The following ARNT2 variants were observed in gnomAD, a reference collection of about 807,000 sequenced individuals.
ARNT2 encodes ARNT protein 2.
ARNT2 carries 36 observed loss-of-function variants against 91.7 expected under a neutral mutation model. The observed-to-expected ratio is 0.39, with a 90% CI of 0.30 to 0.52. ARNT2 has a LOEUF of 0.52. ARNT2 is among the 20% of genes least tolerant of loss of function. The pLI is 0.72. For synonymous variants in ARNT2, 365 were observed against 347.1 expected (o/e 1.05, Z -0.57); for missense variants, 775 against 939.3 (o/e 0.83, Z 2.29).
intron 1 of ARNT2, chr15:80,434,219 G>A (rs973668939): frequency 6.6e-6 from 1 of 152,240 alleles, no homozygotes; most frequent in East Asian, 1.9e-4. Context: ...AGGAGGGCAA[G>A]AGAAGATCAG....
At chr15:80,495,880 C>T (rs1897120610) in intron 5 of ARNT2, among the ~76,000 whole-genome samples, 1 of 152,208 alleles carries the variant, frequency 6.6e-6, no homozygotes, top group Admixed American at 6.5e-5. Flanking sequence ...TCTGAGGCTC[C>T]TTTAGCACCT....
chr15:80,581,190 G>T (rs1248795556), intron 16 of ARNT2, 49 bp from the exon 17 acceptor site: 2 of 1,605,360 alleles, frequency 1.2e-6, no homozygotes, highest in Non-Finnish European at 8.5e-7. Flanking sequence ...TTGGGGTGCA[G>T]GGGTCTGCTG....
chr15:80,468,423 C>T (rs774968329), intron 3 of ARNT2, among the ~76,000 whole-genome samples: 1 of 152,252 alleles, frequency 6.6e-6, no homozygotes, highest in African/African-American at 2.4e-5. Flanking sequence ...TCTTGCTCCT[C>T]GGCCCCTCTA....
chr15:80,539,014 A>AT (rs986639611), intron 8 of ARNT2, among the ~76,000 whole-genome samples: 6 of 152,004 alleles, frequency 3.9e-5, no homozygotes, highest in African/African-American at 1.4e-4. Flanking sequence ...ATCAAAAAAA[A>AT]TTTTTTTTCT....
chr15:80,528,612 A>G (rs953992342), intron 8 of ARNT2, among the ~76,000 whole-genome samples: 3 of 152,002 alleles, frequency 2.0e-5, no homozygotes, highest in Non-Finnish European at 1.5e-5. Flanking sequence ...CCGCTCATGA[A>G]TATATTAATA....
At position 80,522,034 on chromosome 15, in the gene ARNT2, T is replaced by A. The variant is rs189949841; in HGVS notation, c.877+7629T>A. 3.6e-4 allele frequency among the ~76,000 whole-genome samples: 55 copies of A among 152,200 alleles called. 1 individual carries two copies. The highest frequency in any genetic ancestry group is 1.2e-3 in the African/African-American group (50 of 41,524). On this transcript the variant is annotated intron_variant, in intron 8 of 18. Coordinates refer to ENST00000303329, the MANE Select transcript of ARNT2 (RefSeq NM_014862.4). ...GCCTTCCATGAACAATATGGATGAT[T>A]TGAAAGCAAAATAATTTTTAGATAC... is the stretch of plus-strand genomic sequence containing the variant.
chr15:80,554,979 T>C (rs1256884317), intron 10 of ARNT2, 86 bp from the exon 11 acceptor site: 1 of 1,417,682 alleles, frequency 7.1e-7, no homozygotes, highest in Non-Finnish European at 9.9e-7. Context: ...TTAAAGGAGA[T>C]GGAAATGAAC....
chr15:80,428,762 C>T (rs994116347), intron 1 of ARNT2, among the ~76,000 whole-genome samples: 1 of 152,232 alleles, frequency 6.6e-6, no homozygotes, highest in Admixed American at 6.5e-5. Flanking sequence ...AAACATTACT[C>T]CTTTAATATA....
At chr15:80,550,143 G>A (rs1332989540) in intron 8 of ARNT2, among the ~76,000 whole-genome samples, 2 of 152,212 alleles carry the variant, frequency 1.3e-5, no homozygotes, top group East Asian at 3.9e-4. Flanking sequence ...AAGAGGACAT[G>A]AGAAAGTGTA....
intron 8 of ARNT2, among the ~76,000 whole-genome samples, chr15:80,524,347 T>A (rs1897599662): frequency 6.6e-6 from 1 of 152,232 alleles, no homozygotes; most frequent in South Asian, 2.1e-4. Context: ...TGGCAGTGTG[T>A]ATTAAATATC....
At chr15:80,476,640 A>G (rs1459938428) in intron 5 of ARNT2, among the ~76,000 whole-genome samples, 1 of 152,216 alleles carries the variant, frequency 6.6e-6, no homozygotes, top group Non-Finnish European at 1.5e-5. Context: ...CAGAAGCCTG[A>G]TGAATTAGTG....
intron 14 of ARNT2, among the ~76,000 whole-genome samples, chr15:80,575,806 A>C (rs570025275): frequency 1.3e-5 from 2 of 152,242 alleles, no homozygotes; most frequent in African/African-American, 4.8e-5. Flanking sequence ...CTGCTGCGGC[A>C]CCTGCTGGGT....
chr15:80,590,486 C>A (rs1893257376), intron 17 of ARNT2, among the ~76,000 whole-genome samples: 1 of 152,200 alleles, frequency 6.6e-6, no homozygotes, highest in Admixed American at 6.5e-5. Context: ...CTCACTCATC[C>A]CAGCACTTTG....
intron 5 of ARNT2, among the ~76,000 whole-genome samples, chr15:80,497,989 C>G (rs1038629037): frequency 6.6e-6 from 1 of 152,342 alleles, no homozygotes; most frequent in Middle Eastern, 3.4e-3. Flanking sequence ...GTGGCTCCAA[C>G]TGTGTTCCTA....
At chr15:80,450,806 C>T (rs962919487) in intron 1 of ARNT2, 74 bp from the exon 2 acceptor site, 9 of 1,440,366 alleles carry the variant, frequency 6.2e-6, no homozygotes, top group East Asian at 2.3e-5. Context: ...CTTCTGGTAC[C>T]GTATCACAAC....
intron 12 of ARNT2, among the ~76,000 whole-genome samples, chr15:80,573,609 C>T (rs1350802604): frequency 6.6e-6 from 1 of 152,154 alleles, no homozygotes; most frequent in Non-Finnish European, 1.5e-5. Flanking sequence ...GCAGCAAAGC[C>T]CCTTGGAGTC....
At chr15:80,566,455 C>T (rs148688157) in intron 12 of ARNT2, among the ~76,000 whole-genome samples, 10 of 152,292 alleles carry the variant, frequency 6.6e-5, no homozygotes, top group Non-Finnish European at 1.3e-4. Flanking sequence ...CCTGGACTCC[C>T]GTGACCCTCC....
chr15:80,580,957 G>A (rs994373725), intron 16 of ARNT2: 16 of 523,978 alleles, frequency 3.1e-5, no homozygotes, highest in African/African-American at 2.8e-4. Flanking sequence ...GGGAGTTCTA[G>A]GTGTTCATAA....
At chr15:80,560,797 G>T (rs1898325934) in intron 11 of ARNT2, among the ~76,000 whole-genome samples, 1 of 152,226 alleles carries the variant, frequency 6.6e-6, no homozygotes. Context: ...TGCTGTTGGG[G>T]CCGCAGATGT....
Sources: allele counts gnomAD v4.1 joint callset (sites outside exome capture counted in the v4.1 genomes callset), GRCh38; gene constraint gnomAD v4.1.1; transcripts MANE v1.5; gene names NCBI Gene and HGNC (gene_info 2026-07-23, HGNC 2026-07-21).